Variants in POTEH observed in about 807,000 individuals in gnomAD.
POTEH encodes the protein POTE ankyrin domain family member H.
Under a neutral mutation model 41.7 loss-of-function variants are expected in POTEH, and 6 were observed. The ratio of observed to expected loss-of-function variants is 0.14; its 90% CI spans 0.08 to 0.28. POTEH has a LOEUF of 0.28. POTEH is among the 10% of genes least tolerant of loss of function. The pLI is 1.00. For missense variants in POTEH, 115 were observed against 533.5 expected, an observed-to-expected ratio of 0.22 and a Z score of 7.73; for synonymous variants, 38 against 179.9, an observed-to-expected ratio of 0.21 and a Z score of 6.31.
At chr22:15,713,740 T>G (rs1257152518) in intron 9 of POTEH, among the ~76,000 whole-genome samples, 1 of 152,306 alleles carries the variant, frequency 6.6e-6, no homozygotes, top group Non-Finnish European at 1.5e-5. Context: ...TGTCAGGTGA[T>G]CTGCCCGCCT....
chr22:15,696,898 A>G (rs1258689714), intron 3 of POTEH, among the ~76,000 whole-genome samples: 1 of 145,596 alleles, frequency 6.9e-6, no homozygotes, highest in South Asian at 2.5e-4. Flanking sequence ...GTAATTGTCT[A>G]TTGTACTAGC....
At chr22:15,707,887 T>A (rs1989710855) in intron 6 of POTEH, 133 bp from the exon 7 acceptor site, 1 of 1,489,404 alleles carries the variant, frequency 6.7e-7, no homozygotes, top group Non-Finnish European at 8.9e-7. Flanking sequence ...ATTTCATAAA[T>A]GACAATTTCA....
intron 1 of POTEH, among the ~76,000 whole-genome samples, chr22:15,691,941 A>G (rs1989324417): frequency 6.8e-6 from 1 of 146,952 alleles, no homozygotes; most frequent in African/African-American, 2.4e-5. Flanking sequence ...AAAAAGAGAA[A>G]CATACCAGAA....
At chr22:15,699,313 T>G (rs1228311992) in intron 4 of POTEH, 1 of 175,492 alleles carries the variant, frequency 5.7e-6, no homozygotes, top group East Asian at 1.8e-4. Flanking sequence ...TCCAGTGTAT[T>G]TTGATGTTTT....
Position 15,717,219 on chromosome 22 carries a change from C to T in POTEH, c.1521-2441C>T, listed in dbSNP as rs1283555577. On this transcript the variant is annotated intron_variant, in intron 9 of 10. Transcript: ENST00000343518. ...TCAGTTCATGGACACTGGCTGATTC[C>T]ATATCTTTGCATATTGTGAATTGTG... Among the ~76,000 whole-genome samples, 3 of 91,428 alleles carry T rather than the reference C, an allele frequency of 3.3e-5. 1 individual carries two copies. The highest frequency in any genetic ancestry group is 0.011 in the Middle Eastern group (2 of 178). 60.0% of individuals were successfully genotyped at this position (91,428 alleles called of 152,430 possible). A position where few individuals can be genotyped will look rare whatever the true frequency, so the allele number is the denominator to read the frequency against.
rs1369593519 is a variant in POTEH, at chr22:15,720,999, C to CA, written c.*2-287_*2-286insA. Among the ~76,000 whole-genome samples, 3 of 146,484 alleles carry CA rather than the reference C, an allele frequency of 2.0e-5. No homozygotes were observed. The East Asian group carries it at 6.0e-4, about 29-fold the overall frequency. ...TTTTAATTCTGAGATTCTTAAAAAT[C>CA]CTCTAGTGATTTATTTTTCATAGTC... is the stretch of plus-strand genomic sequence containing the variant. On this transcript the variant is annotated intron_variant, in intron 10 of 10. Coordinates refer to ENST00000343518, the MANE Select transcript of POTEH (RefSeq NM_001136213.1).
At chr22:15,696,476 ACAGTTTT>A (rs1236477472) in intron 3 of POTEH, among the ~76,000 whole-genome samples, 1 of 131,996 alleles carries the variant, frequency 7.6e-6, no homozygotes, top group African/African-American at 2.9e-5. Flanking sequence ...TTAGAGAATG[ACAGTTTT>A]CAGTTTGGGA....
intron 1 of POTEH, among the ~76,000 whole-genome samples, chr22:15,691,673 G>A (rs1370182467): frequency 1.4e-5 from 2 of 145,562 alleles, no homozygotes; most frequent in African/African-American, 4.9e-5. Flanking sequence ...ATGGACAAAG[G>A]CTTGCTTTTC....
At chr22:15,705,353 C>CTTTGTTT (rs1248524149) in intron 6 of POTEH, among the ~76,000 whole-genome samples, 8 of 14,282 alleles carry the variant, frequency 5.6e-4, no homozygotes, top group Admixed American at 9.6e-4. Flanking sequence ...ATATGTTGGC[C>CTTTGTTT]TTTTTTTTTT....
At chr22:15,692,009 A>ATATATATATATATATAATC (rs1421248855) in intron 1 of POTEH, among the ~76,000 whole-genome samples, 1 of 128,590 alleles carries the variant, frequency 7.8e-6, no homozygotes, top group African/African-American at 2.7e-5. Context: ...TATATATATA[A>ATATATATATATATATAATC]ATTTCTTTTT....
At chr22:15,710,555 A>G (rs1361326671) in intron 8 of POTEH, among the ~76,000 whole-genome samples, 717 of 149,374 alleles carry the variant, frequency 4.8e-3, no homozygotes, top group African/African-American at 0.018. Context: ...ATACATATAT[A>G]AGATTCTGAA....
rs1989605471 is a variant in POTEH at position 15,703,588 on chromosome 22, A to T, written c.1237+832A>T. 1.4e-5 allele frequency among the ~76,000 whole-genome samples: 2 copies of T among 142,944 alleles called. 1 individual carries two copies. The highest frequency in any genetic ancestry group is 1.4e-4 in the Admixed American group (2 of 14,344). 93.8% of individuals were successfully genotyped at this position (142,944 alleles called of 152,430 possible). A position where few individuals can be genotyped will look rare whatever the true frequency, so the allele number is the denominator to read the frequency against. ...TTGCCAAAAGAGTGTCATAATAAAT[A>T]TGCAAATTGCCCAACTCTAGGCTCA... On this transcript the variant is annotated intron_variant, in intron 6 of 10. Transcript: ENST00000343518.
chr22:15,692,008 A>AT (rs1192187472), intron 1 of POTEH, among the ~76,000 whole-genome samples: 2,270 of 104,468 alleles, frequency 0.022, 22 homozygotes, highest in African/African-American at 0.032. Flanking sequence ...ATATATATAT[A>AT]AATTTCTTTT....
chr22:15,697,839 G>T (rs1989464340), intron 3 of POTEH, among the ~76,000 whole-genome samples: 1 of 149,604 alleles, frequency 6.7e-6, no homozygotes, highest in Non-Finnish European at 1.5e-5. Context: ...GCCCTCTCAG[G>T]ATTTTGTGTC....
At chr22:15,691,525 CAAAAAA>C (rs1173004751) in intron 1 of POTEH, among the ~76,000 whole-genome samples, 2 of 88,096 alleles carry the variant, frequency 2.3e-5, no homozygotes, top group Non-Finnish European at 2.4e-5. Flanking sequence ...GACTCCGTCT[CAAAAAA>C]AAAAAAAAAA....
rs1434657944 is a variant in POTEH, at chr22:15,714,227, A to T, written c.1520+3193A>T. Among the ~76,000 whole-genome samples, 7 of 152,026 alleles carry T rather than the reference A, an allele frequency of 4.6e-5. No individual in the cohort carries two copies. The East Asian group carries it at 1.4e-3, about 30-fold the overall frequency. ...TGAGCCACCATCATCTGCCATCTAG[A>T]TGAGTGTCATAGACTGGGAATTGAT... is the stretch of plus-strand genomic sequence containing the variant. On this transcript the variant is annotated intron_variant, in intron 9 of 10. Coordinates refer to ENST00000343518, the MANE Select transcript of POTEH (RefSeq NM_001136213.1).
intron 3 of POTEH, among the ~76,000 whole-genome samples, chr22:15,696,248 G>GA (rs1989429396): frequency 9.9e-6 from 1 of 101,160 alleles, no homozygotes; most frequent in South Asian, 5.5e-4. Flanking sequence ...TAATAGATAC[G>GA]AGGTGATGCA....
At position 15,690,569 on chromosome 22, in the gene POTEH, T is replaced by C. The variant is rs201714672; in HGVS notation, c.492T>C (p.Ala164=). The C allele has an allele frequency of 7.0e-7, 1 of 1,424,432 alleles. No individual in the cohort carries two copies. The allele number at this position is 1,424,432 out of a possible 1,614,324, so 88.2% of individuals were successfully genotyped here. A position where few individuals can be genotyped will look rare whatever the true frequency, so the allele number is the denominator to read the frequency against. The change falls in exon 1 of 11, where the codon GCT becomes GCC. Residue 164 remains alanine (A), a synonymous_variant. Coordinates refer to ENST00000343518, the MANE Select transcript of POTEH (RefSeq NM_001136213.1). The part of the protein sequence containing the change: ...VGPWGDYDDS[A]FMEPRYHVRR... ...CTTGGGGAGACTACGACGACAGCGC[T>C]TTCATGGAGCCGAGGTACCACGTCC...
intron 3 of POTEH, chr22:15,697,597 C>T (rs1222450513): frequency 9.1e-6 from 1 of 109,360 alleles, no homozygotes; most frequent in Non-Finnish European, 1.6e-5. Context: ...AGCAATTCAT[C>T]CCCCTCAGCC....
Sources: allele counts gnomAD v4.1 joint callset (sites outside exome capture counted in the v4.1 genomes callset), GRCh38; gene constraint gnomAD v4.1.1; transcripts MANE v1.5; gene names NCBI Gene and HGNC (gene_info 2026-07-23, HGNC 2026-07-21).